Variants in RUNDC3B observed in about 807,000 individuals in gnomAD.
The protein encoded by RUNDC3B is RUN domain containing 3B.
Under a neutral mutation model 58.4 loss-of-function variants are expected in RUNDC3B, and 33 were observed. The ratio of observed to expected loss-of-function variants is 0.56; its 90% CI spans 0.43 to 0.75. The LOEUF (loss-of-function observed/expected upper bound fraction) is 0.75. RUNDC3B is among the 30% of genes least tolerant of loss of function. RUNDC3B has a pLI of 0.00. For missense variants in RUNDC3B, 501 were observed against 535.7 expected (o/e 0.94, Z 0.64); for synonymous variants, 193 against 195.2 (o/e 0.99, Z 0.10).
chr7:87,828,713 G>T (rs1180676664), intron 10 of RUNDC3B, among the ~76,000 whole-genome samples: 1 of 152,162 alleles, frequency 6.6e-6, no homozygotes, highest in East Asian at 1.9e-4. Context: ...TTGGCAGAAT[G>T]ATTTATTTTC....
chr7:87,819,876 A>T (rs1395481352), intron 10 of RUNDC3B, among the ~76,000 whole-genome samples: 1 of 152,162 alleles, frequency 6.6e-6, no homozygotes, highest in Admixed American at 6.6e-5. Context: ...TCTCTGGGAC[A>T]CATTCAAAGC....
At chr7:87,743,080 C>T (rs1204989526) in intron 6 of RUNDC3B, among the ~76,000 whole-genome samples, 1 of 151,612 alleles carries the variant, frequency 6.6e-6, no homozygotes, top group Non-Finnish European at 1.5e-5. Flanking sequence ...TGCCACTGCA[C>T]CCCAACCTGG....
At chr7:87,825,352 C>A (rs778668854) in intron 10 of RUNDC3B, among the ~76,000 whole-genome samples, 5 of 152,240 alleles carry the variant, frequency 3.3e-5, no homozygotes, top group African/African-American at 1.2e-4. Context: ...CAAGCCTTGG[C>A]AGCTTCCACG....
intron 2 of RUNDC3B, among the ~76,000 whole-genome samples, chr7:87,697,701 ACT>A (rs1463367607): frequency 1.3e-5 from 2 of 152,072 alleles, no homozygotes; most frequent in Admixed American, 1.3e-4. Context: ...TATGCACTAG[ACT>A]CTTTGCTACT....
chr7:87,801,303 A>G (rs1836141951), intron 8 of RUNDC3B, among the ~76,000 whole-genome samples: 1 of 152,242 alleles, frequency 6.6e-6, no homozygotes. Context: ...TACAGAGAAT[A>G]GCACATACAG....
chr7:87,715,236 TTATA>T lies in RUNDC3B; in HGVS notation c.458+4588_458+4591del, dbSNP rs555303593. Among the ~76,000 whole-genome samples, 1,224 of 136,384 alleles carry T rather than the reference TTATA, an allele frequency of 9.0e-3. 9 individuals are homozygous for T. The highest frequency in any genetic ancestry group is 0.018 in the Middle Eastern group (5 of 278). The allele number at this position is 136,384 out of a possible 152,430, so 89.5% of individuals were successfully genotyped here. ...ATATAATATTTAATATATAAGGACT[TTATA>T]TATATAATTATATTATATATAATTA... On this transcript the variant is annotated intron_variant, in intron 4 of 10. Coordinates refer to ENST00000394654, the MANE Select transcript of RUNDC3B (RefSeq NM_001134405.2).
chr7:87,825,705 A>G (rs1272840529), intron 10 of RUNDC3B, among the ~76,000 whole-genome samples: 4 of 152,178 alleles, frequency 2.6e-5, no homozygotes, highest in African/African-American at 9.7e-5. Flanking sequence ...GCGAGGCTGT[A>G]CTCTGCAAAA....
chr7:87,759,308 A>G (rs1833546961), intron 6 of RUNDC3B, among the ~76,000 whole-genome samples: 1 of 152,186 alleles, frequency 6.6e-6, no homozygotes, highest in Admixed American at 6.6e-5. Context: ...AGAGAATAGA[A>G]TGATGGTTAG....
At chr7:87,722,005 C>T (rs1830929888) in intron 4 of RUNDC3B, among the ~76,000 whole-genome samples, 1 of 151,864 alleles carries the variant, frequency 6.6e-6, no homozygotes, top group Admixed American at 6.6e-5. Flanking sequence ...TTTTTAAATT[C>T]CGGAAACAAA....
In RUNDC3B at chr7:87,628,756, C is replaced by T. The variant is rs113438578; in HGVS notation, c.-68C>T. ...CCACGGTTGCGGACCGAGCGAGAAC[C>T]CCCTTAAGCAGGTGTGGGGGGCGTG... On this transcript the variant is annotated 5_prime_UTR_variant, in exon 1 of 11. Coordinates refer to ENST00000394654, the MANE Select transcript of RUNDC3B (RefSeq NM_001134405.2). 1.2e-5 allele frequency: 12 copies of T among 997,338 alleles called. No homozygotes were observed. Among genetic ancestry groups the T allele is most frequent in the African/African-American group, 6.7e-5 (4 of 60,112 alleles). The allele number at this position is 997,338 out of a possible 1,614,324, so 61.8% of individuals were successfully genotyped here.
intron 2 of RUNDC3B, among the ~76,000 whole-genome samples, chr7:87,651,655 T>C (rs1219785288): frequency 6.6e-6 from 1 of 152,134 alleles, no homozygotes; most frequent in Non-Finnish European, 1.5e-5. Flanking sequence ...ATCTTAATGA[T>C]ACAGTTTCAC....
At chr7:87,742,498 C>T (rs1171157332) in intron 6 of RUNDC3B, among the ~76,000 whole-genome samples, 1 of 152,064 alleles carries the variant, frequency 6.6e-6, no homozygotes, top group African/African-American at 2.4e-5. Flanking sequence ...GAATAATAGT[C>T]TCCAATCTCA....
chr7:87,723,587 C>A (rs778584016), intron 4 of RUNDC3B, among the ~76,000 whole-genome samples: 6 of 152,068 alleles, frequency 3.9e-5, no homozygotes, highest in Non-Finnish European at 8.8e-5. Flanking sequence ...TGTATAAATA[C>A]ATTTTAGTTA....
chr7:87,629,016 CT>C, intron 1 of RUNDC3B, 71 bp downstream of exon 1: 1 of 1,262,308 alleles, frequency 7.9e-7, no homozygotes, highest in East Asian at 2.9e-5. Flanking sequence ...CGCGCGGGTC[CT>C]TGGGGGTCCC....
intron 1 of RUNDC3B, among the ~76,000 whole-genome samples, chr7:87,646,636 G>C (rs1022276186): frequency 1.3e-5 from 2 of 152,086 alleles, no homozygotes; most frequent in African/African-American, 4.8e-5. Context: ...CAAAGGTGGA[G>C]GTGGAGGTGG....
At chr7:87,652,621 G>GAGATATAT (rs374832268) in intron 2 of RUNDC3B, among the ~76,000 whole-genome samples, 2 of 125,394 alleles carry the variant, frequency 1.6e-5, no homozygotes, top group African/African-American at 6.9e-5. Context: ...TGTGGTCACT[G>GAGATATAT]ATATATATAT....
At chr7:87,703,914 G>GTTTTTTTTTTTTTTTTTTTTTTTTTT (rs35797972) in intron 3 of RUNDC3B, among the ~76,000 whole-genome samples, 9 of 42,966 alleles carry the variant, frequency 2.1e-4, no homozygotes, top group Admixed American at 7.8e-4. Context: ...TTTTTTTTTG[G>GTTTTTTTTTTTTTTTTTTTTTTTTTT]TTTTTTTTTT....
chr7:87,776,071 A>G (rs1401454121), intron 7 of RUNDC3B, among the ~76,000 whole-genome samples: 1 of 152,220 alleles, frequency 6.6e-6, no homozygotes, highest in Admixed American at 6.5e-5. Context: ...GATCATGTGA[A>G]TATAATATCA....
chr7:87,751,363 G>A (rs1484633614), intron 6 of RUNDC3B, among the ~76,000 whole-genome samples: 2 of 152,102 alleles, frequency 1.3e-5, no homozygotes, highest in African/African-American at 2.4e-5. Context: ...GGTGATGCGG[G>A]CTCTTTTTTT....
Sources: allele counts gnomAD v4.1 joint callset (sites outside exome capture counted in the v4.1 genomes callset), GRCh38; gene constraint gnomAD v4.1.1; transcripts MANE v1.5; gene names NCBI Gene and HGNC (gene_info 2026-07-23, HGNC 2026-07-21).